The following CELF2 variants were observed in gnomAD, a reference collection of about 807,000 sequenced individuals.
CELF2 encodes the protein CUG triplet repeat RNA-binding protein 2.
In CELF2, 8 loss-of-function variants were observed where a neutral mutation model predicts 62.6. That is an observed-to-expected ratio of 0.13 (90% CI 0.07 to 0.23). CELF2 has a LOEUF of 0.23. Ranked by LOEUF, CELF2 falls within the 10% of genes least tolerant of loss-of-function variation. CELF2 has a pLI of 1.00. For synonymous variants in CELF2, 258 were observed against 250.0 expected (o/e 1.03, Z -0.30); for missense variants, 333 against 671.0 (o/e 0.50, Z 5.56).
the CELF2 span, among the ~76,000 whole-genome samples, chr10:10,704,467 A>G: frequency 6.6e-6 from 1 of 152,234 alleles, no homozygotes; most frequent in Non-Finnish European, 1.5e-5. Context: ...AATGATTTTC[A>G]TTATTGTAGC....
chr10:11,300,043 C>A lies in CELF2; in HGVS notation c.976+11491C>A, dbSNP rs2093574996. On this transcript the variant is annotated intron_variant, in intron 9 of 12. Transcript: ENST00000633077. This position sits in a 1 kb window ranked among gnomAD's most constrained non-coding sequence, Gnocchi z 5.5. Reference sequence around the variant, plus strand: ...TGGCCCCACACTGCCTTTATGAGTGCCCGTCTTCACGGGACTGGGGAAGAT... The same window carrying A: ...TGGCCCCACACTGCCTTTATGAGTGACCGTCTTCACGGGACTGGGGAAGAT... Among the ~76,000 whole-genome samples, 1 of 152,196 alleles carries A rather than the reference C, an allele frequency of 6.6e-6. No individual in the cohort carries two copies. Among genetic ancestry groups the A allele is most frequent in the African/African-American group, 2.4e-5 (1 of 41,438 alleles).
At chr10:11,187,321 A>G in intron 2 of CELF2, among the ~76,000 whole-genome samples, 1 of 152,174 alleles carries the variant, frequency 6.6e-6, no homozygotes, top group East Asian at 1.9e-4. Flanking sequence ...ATTTGAAATT[A>G]TTATGATATT....
At chr10:11,195,045 C>G (rs1054724855) in intron 2 of CELF2, among the ~76,000 whole-genome samples, 1 of 152,164 alleles carries the variant, frequency 6.6e-6, no homozygotes, top group Non-Finnish European at 1.5e-5. Flanking sequence ...TAATGTCTTT[C>G]CCTCTATGGT....
chr10:10,671,902 G>A, the CELF2 span, among the ~76,000 whole-genome samples: 493 of 152,044 alleles, frequency 3.2e-3, 2 homozygotes, highest in African/African-American at 0.011. Context: ...GCTAATTCTT[G>A]TATTTTTAGT....
At chr10:11,100,089 A>G (rs7101217) in intron 1 of CELF2, among the ~76,000 whole-genome samples, 37,042 of 151,836 alleles carry the variant, frequency 0.24, 6,246 homozygotes, top group African/African-American at 0.48. Context: ...CTGAAATTCC[A>G]GTTGCCCAGG....
intron 2 of CELF2, among the ~76,000 whole-genome samples, chr10:10,963,153 G>T (rs2049733799): frequency 6.6e-6 from 1 of 151,952 alleles, no homozygotes; most frequent in Non-Finnish European, 1.5e-5. Flanking sequence ...CAACTCTCCT[G>T]CCTCAGCCTC....
At chr10:10,786,558 T>C in the CELF2 span, 1 of 152,190 alleles carries the variant, frequency 6.6e-6, no homozygotes, top group African/African-American at 2.4e-5. Context: ...AATAGTTCTA[T>C]ATTTCTCAAT....
intron 2 of CELF2, among the ~76,000 whole-genome samples, chr10:10,930,420 T>G (rs1018406025): frequency 2.0e-5 from 3 of 152,230 alleles, no homozygotes; most frequent in African/African-American, 7.2e-5. Context: ...CTATGTTGCA[T>G]GATCCACAAG....
At chr10:10,903,620 ACTATTAGGCCAAC>A (rs1202649341) in intron 1 of CELF2, among the ~76,000 whole-genome samples, 8 of 152,164 alleles carry the variant, frequency 5.3e-5, no homozygotes, top group Non-Finnish European at 1.0e-4. Context: ...CCAACTACAT[ACTATTAGGCCAAC>A]CTGACCAAGT....
At chr10:11,264,141 G>A (rs2081514284) in intron 5 of CELF2, among the ~76,000 whole-genome samples, 1 of 152,178 alleles carries the variant, frequency 6.6e-6, no homozygotes, top group Non-Finnish European at 1.5e-5. Flanking sequence ...ATAATTACAA[G>A]CATCAGTCAT....
At chr10:10,488,680 T>G in the CELF2 span, among the ~76,000 whole-genome samples, 1 of 152,168 alleles carries the variant, frequency 6.6e-6, no homozygotes, top group Non-Finnish European at 1.5e-5. Context: ...TCTTTTCTAC[T>G]CTTTCTCAAC....
In CELF2 at chr10:10,928,326, A is replaced by T. The variant is rs2135044440; in HGVS notation, c.89+8327A>T. ...CCATTTCAGAGATAAGAAAACTGAG[A>T]TCTGGTCTCCTACTCTTTGTATGTG... On this transcript the variant is annotated intron_variant, in intron 2 of 13. Transcript: ENST00000636488. The surrounding 1 kb of genome is among the most constrained non-coding windows in gnomAD (Gnocchi z 4.8). Among the ~76,000 whole-genome samples the T allele has an allele frequency of 6.6e-6, 1 of 152,264 alleles. No individual in the cohort carries two copies. Among genetic ancestry groups the T allele is most frequent in the Non-Finnish European group, 1.5e-5 (1 of 68,024 alleles).
chr10:10,566,986 A>G, the CELF2 span, among the ~76,000 whole-genome samples: 1 of 152,182 alleles, frequency 6.6e-6, no homozygotes, highest in Admixed American at 6.5e-5. Flanking sequence ...ACCTCCACAT[A>G]TGCATAAATA....
At chr10:11,232,422 C>T (rs571807963) in intron 3 of CELF2, among the ~76,000 whole-genome samples, 7 of 152,124 alleles carry the variant, frequency 4.6e-5, no homozygotes, top group African/African-American at 2.4e-5. Flanking sequence ...CTCCTTCACC[C>T]GTGATCTTGG....
Position 10,924,622 on chromosome 10 carries a change from G to A in CELF2, c.89+4623G>A, listed in dbSNP as rs188961558. Among the ~76,000 whole-genome samples, 131 of 151,468 alleles carry A rather than the reference G, an allele frequency of 8.6e-4. 1 individual carries two copies. The highest frequency in any genetic ancestry group is 2.9e-3 in the African/African-American group (121 of 41,324). ...TATAAATCAGATGTCATCTTGTACT[G>A]GATTTTAGTATAAACCAGTGAAAGC... On this transcript the variant is annotated intron_variant, in intron 2 of 13. Transcript: ENST00000636488.
the CELF2 span, among the ~76,000 whole-genome samples, chr10:10,473,635 T>C: frequency 5.8e-3 from 889 of 152,218 alleles, 12 homozygotes; most frequent in African/African-American, 0.02. Flanking sequence ...TTGGTTGTTC[T>C]TGCTATTTTC....
the CELF2 span, among the ~76,000 whole-genome samples, chr10:10,605,507 C>T: frequency 6.6e-6 from 1 of 152,204 alleles, no homozygotes; most frequent in East Asian, 1.9e-4. Flanking sequence ...AAACCTCTGT[C>T]GTTATAGCTG....
At chr10:10,626,438 T>C in the CELF2 span, among the ~76,000 whole-genome samples, 10 of 152,262 alleles carry the variant, frequency 6.6e-5, no homozygotes, top group South Asian at 1.9e-3. Flanking sequence ...GTTAACAGCA[T>C]GTAAATTTCC....
intron 1 of CELF2, among the ~76,000 whole-genome samples, chr10:11,083,226 A>C (rs1458526381): frequency 3.3e-5 from 5 of 152,220 alleles, no homozygotes; most frequent in Non-Finnish European, 7.3e-5. Context: ...GAACTGGGGA[A>C]AGGAGTGAAA....
Sources: allele counts gnomAD v4.1 joint callset (sites outside exome capture counted in the v4.1 genomes callset), GRCh38; gene constraint gnomAD v4.1.1; non-coding constraint Gnocchi (gnomAD v3.1); transcripts MANE v1.5; gene names NCBI Gene and HGNC (gene_info 2026-07-23, HGNC 2026-07-21).